ZFR: variants seen among roughly 807,000 people sequenced by gnomAD.
ZFR encodes the protein zinc finger RNA binding protein, also known as zinc finger RNA-binding protein.
A neutral mutation model predicts 130.7 loss-of-function variants in ZFR; 19 were observed. The ratio of observed to expected loss-of-function variants is 0.15; its 90% CI spans 0.10 to 0.21. The LOEUF is 0.21. Among genes scored for constraint, ZFR ranks in the 10% least tolerant of loss-of-function variants. The probability of loss-of-function intolerance (pLI) is 1.00; values close to 1 mark genes in which losing one functional copy is unlikely to be tolerated. For synonymous variants in ZFR, 466 were observed against 456.9 expected, an observed-to-expected ratio of 1.02 and a Z score of -0.25; for missense variants, 872 against 1,321.5, an observed-to-expected ratio of 0.66 and a Z score of 5.27.
chr5:32,428,409 C>G (rs571798014), intron 2 of ZFR, among the ~76,000 whole-genome samples: 30 of 151,696 alleles, frequency 2.0e-4, no homozygotes, highest in South Asian at 4.2e-4. Context: ...GAGAGTCTGT[C>G]TCAAAAAAAA....
chr5:32,424,807 G>A (rs983642026), intron 2 of ZFR, among the ~76,000 whole-genome samples: 2 of 152,096 alleles, frequency 1.3e-5, no homozygotes, highest in African/African-American at 4.8e-5. Context: ...TTGCTTTAAA[G>A]TTTTAGAATC....
At chr5:32,396,210 C>A (rs1274495727) in intron 10 of ZFR, among the ~76,000 whole-genome samples, 3 of 148,644 alleles carry the variant, frequency 2.0e-5, no homozygotes, top group Non-Finnish European at 4.5e-5. Flanking sequence ...AAGGCCCTAT[C>A]TCAAAAAAAA....
intron 3 of ZFR, among the ~76,000 whole-genome samples, chr5:32,419,378 C>A (rs1753903873): frequency 6.6e-6 from 1 of 152,088 alleles, no homozygotes; most frequent in African/African-American, 2.4e-5. Flanking sequence ...CGCTCTGTCA[C>A]CCAGGCTGGA....
At chr5:32,432,164 C>T (rs767607025) in intron 2 of ZFR, among the ~76,000 whole-genome samples, 2 of 151,922 alleles carry the variant, frequency 1.3e-5, no homozygotes, top group East Asian at 1.9e-4. Context: ...GGTAATTGTT[C>T]GCAGAGATGC....
chr5:32,431,498 T>C (rs1406421135), intron 2 of ZFR, among the ~76,000 whole-genome samples: 1 of 152,200 alleles, frequency 6.6e-6, no homozygotes, highest in African/African-American at 2.4e-5. Flanking sequence ...AAAGAAAACA[T>C]AGACAGCTTC....
chr5:32,432,095 G>A (rs1414655704), intron 2 of ZFR, among the ~76,000 whole-genome samples: 2 of 151,660 alleles, frequency 1.3e-5, no homozygotes, highest in Non-Finnish European at 2.9e-5. Flanking sequence ...AGGTTCAAGC[G>A]ATCCACCCAC....
intron 2 of ZFR, among the ~76,000 whole-genome samples, chr5:32,425,773 G>A (rs946248670): frequency 3.7e-4 from 57 of 152,250 alleles, no homozygotes; most frequent in Admixed American, 1.2e-3. Flanking sequence ...TGATCCACCC[G>A]CCTTGGCCTC....
At chr5:32,412,213 C>T (rs1753729393) in intron 5 of ZFR, among the ~76,000 whole-genome samples, 1 of 152,110 alleles carries the variant, frequency 6.6e-6, no homozygotes, top group Non-Finnish European at 1.5e-5. Flanking sequence ...ACCAGTAAAG[C>T]CAGCATCAAT....
In ZFR at chr5:32,387,690, T is replaced by C; in HGVS notation, c.2358A>G (p.Lys786=). ...CCAATACTCCCACTCGCAAAACTCCTTTCAAAGCTCTGCAGTAAAATAAAA... is the reference window on the plus strand; with the variant it reads ...CCAATACTCCCACTCGCAAAACTCCCTTCAAAGCTCTGCAGTAAAATAAAA... ...KKEGGKDRAL[K]GVLRVGVLAK... is the part of the protein sequence containing the mutation. Residue 786 remains lysine, a synonymous_variant, in exon 14 of 20, where the codon AAA becomes AAG. Coordinates refer to ENST00000265069, the MANE Select transcript of ZFR (RefSeq NM_016107.5). The C allele has an allele frequency of 6.2e-7, 1 of 1,609,188 alleles. No homozygotes were observed.
At chr5:32,367,980 T>C (rs1399040770) in intron 17 of ZFR, among the ~76,000 whole-genome samples, 1 of 151,498 alleles carries the variant, frequency 6.6e-6, no homozygotes, top group African/African-American at 2.4e-5. Flanking sequence ...AAATAATGCT[T>C]TTTTTTTTCT....
At position 32,379,243 on chromosome 5, in the gene ZFR, T is replaced by A. The variant is rs780842451; in HGVS notation, c.2740-33A>T. On this transcript the variant is annotated intron_variant, in intron 16 of 19. Coordinates refer to ENST00000265069, the MANE Select transcript of ZFR (RefSeq NM_016107.5). ...GCAACATAAAAACCAATTGAATTAATCTTAGAAATACTGAATATATCCCTT... is the reference window on the plus strand; with the variant it reads ...GCAACATAAAAACCAATTGAATTAAACTTAGAAATACTGAATATATCCCTT... 29 of 1,564,968 alleles carry A rather than the reference T, an allele frequency of 1.9e-5. 1 individual carries two copies. The South Asian group carries it at 2.9e-4, about 16-fold the overall frequency.
At chr5:32,388,408 TG>T in intron 13 of ZFR, 60 bp downstream of exon 13, 1 of 1,483,640 alleles carries the variant, frequency 6.7e-7, no homozygotes, top group Non-Finnish European at 9.3e-7. Context: ...ATATTTCAAA[TG>T]TAAGAAGTCC....
chr5:32,397,423 T>C (rs1753339029), intron 9 of ZFR, 85 bp from the exon 10 acceptor site: 4 of 1,509,662 alleles, frequency 2.6e-6, no homozygotes, highest in Non-Finnish European at 1.8e-6. Context: ...GATGAAGTTG[T>C]ACACAGTTAG....
In ZFR at chr5:32,404,295, T is replaced by C. The variant is rs1027410047; in HGVS notation, c.1033-198A>G. ...TGTATCTTGTTTATCAAGAATATTA[T>C]CTAACACTGAGTTACAAAGTACTTT... On this transcript the variant is annotated intron_variant, in intron 6 of 19. Transcript: ENST00000265069. Among the ~76,000 whole-genome samples, 5 of 152,218 alleles carry C rather than the reference T, an allele frequency of 3.3e-5. No individual in the cohort carries two copies. In the South Asian group the frequency reaches 6.2e-4, roughly 19 times the overall value.
intron 8 of ZFR, 29 bp from the exon 9 acceptor site, chr5:32,400,232 A>T (rs1025081664): frequency 4.7e-6 from 7 of 1,502,570 alleles, no homozygotes; most frequent in Non-Finnish European, 5.3e-6. Context: ...GTTAAAAAAA[A>T]TTTTATTTTT....
At chr5:32,372,542 G>A (rs567168892) in intron 17 of ZFR, among the ~76,000 whole-genome samples, 46 of 152,134 alleles carry the variant, frequency 3.0e-4, no homozygotes, top group Admixed American at 5.9e-4. Flanking sequence ...TATTCAATAA[G>A]AAGCTGAGGG....
intron 12 of ZFR, 59 bp downstream of exon 12, chr5:32,390,216 T>A: frequency 6.4e-7 from 1 of 1,551,222 alleles, no homozygotes; most frequent in Non-Finnish European, 8.7e-7. Context: ...AAAATTGTTT[T>A]CTTCTAATGC....
At chr5:32,356,870 A>C (rs13160737) in intron 19 of ZFR, among the ~76,000 whole-genome samples, 18,865 of 152,270 alleles carry the variant, frequency 0.12, 1,276 homozygotes, top group African/African-American at 0.16. Flanking sequence ...GAAGCTCCCC[A>C]AAATTTATAC....
chr5:32,420,753 C>G (rs569707030), intron 2 of ZFR, among the ~76,000 whole-genome samples: 1 of 152,268 alleles, frequency 6.6e-6, no homozygotes, highest in Non-Finnish European at 1.5e-5. Context: ...GATGCTGTTA[C>G]AAATCCTACA....
Sources: gnomAD v4.1 joint callset for allele counts (sites outside exome capture counted in the v4.1 genomes callset) on GRCh38, gnomAD v4.1.1 for gene constraint, MANE v1.5 for transcripts, NCBI Gene and HGNC (gene_info 2026-07-23, HGNC 2026-07-21) for gene names.